ZNF486: variants seen among roughly 807,000 people sequenced by gnomAD.
The protein encoded by ZNF486 is KRAB box only protein 2.
A neutral mutation model predicts 12.8 loss-of-function variants in ZNF486; 12 were observed. The observed-to-expected ratio is 0.94, with a 90% CI of 0.60 to 1.52. The LOEUF (loss-of-function observed/expected upper bound fraction) is 1.52, where lower values mean the gene tolerates loss of function less well. Among genes scored for constraint, ZNF486 ranks in the 40% most tolerant of loss-of-function variants. The probability of loss-of-function intolerance (pLI) is 0.00; values close to 1 mark genes in which losing one functional copy is unlikely to be tolerated. For synonymous variants in ZNF486, 231 were observed against 184.9 expected (o/e 1.25, Z -2.02); for missense variants, 738 against 545.0 (o/e 1.35, Z -3.53).
chr19:20,176,994 C>G (rs1483072213), intron 1 of ZNF486: 1 of 152,200 alleles, frequency 6.6e-6, no homozygotes, highest in Non-Finnish European at 1.5e-5. Context: ...GAGGTTGAAA[C>G]ACTGCTCTCA....
At position 20,193,556 on chromosome 19, in the gene ZNF486, G is replaced by A. The variant is rs4808233; in HGVS notation, c.254-3408G>A. Among the ~76,000 whole-genome samples the A allele has an allele frequency of 8.6e-3, 1,315 of 152,156 alleles. 13 individuals carry two copies. Among genetic ancestry groups the A allele is most frequent in the Non-Finnish European group, 0.014 (935 of 68,002 alleles). On this transcript the variant is annotated intron_variant, in intron 3 of 3. Coordinates refer to ENST00000335117, the MANE Select transcript of ZNF486 (RefSeq NM_052852.4). The stretch of plus-strand genomic sequence containing the variant: ...GGTGCCTATAATCCCAGCTCCTCAG[G>A]AGGCTGAAGCAGGAGAATTGCTTGA...
rs782053160 is a variant in ZNF486 at position 20,196,951 on chromosome 19, T to C, written c.254-13T>C. On this transcript the variant is annotated splice_polypyrimidine_tract_variant and intron_variant, in intron 3 of 3. Coordinates refer to ENST00000335117, the MANE Select transcript of ZNF486 (RefSeq NM_052852.4). ...TAGCAATTGAAGTAATGTGTTTTTA[T>C]TGTTTCTTTCAGTTGTGTGTTCTCA... 1.3e-6 allele frequency: 2 copies of C among 1,527,432 alleles called. No homozygotes were observed. Among genetic ancestry groups the C allele is most frequent in the Non-Finnish European group, 1.7e-6 (2 of 1,143,070 alleles). The allele number at this position is 1,527,432 out of a possible 1,614,324, so 94.6% of individuals were successfully genotyped here. A position where few individuals can be genotyped will look rare whatever the true frequency, so the allele number is the denominator to read the frequency against.
Position 20,167,220 on chromosome 19 carries a change from C to T in ZNF486, c.-111C>T, listed in dbSNP as rs575908961. 1.5e-6 allele frequency: 2 copies of T among 1,375,602 alleles called. No homozygotes were observed. The highest frequency in any genetic ancestry group is 1.7e-5 in the Admixed American group (1 of 57,840). The allele number at this position is 1,375,602 out of a possible 1,614,324, so 85.2% of individuals were successfully genotyped here. ...CGGGTTTGGCGCGGCCTTTGTCTCT[C>T]GCTGCATCTGGAGCTCTAGGTCGCC... On this transcript the variant is annotated 5_prime_UTR_variant, in exon 1 of 4. Transcript: ENST00000335117.
Position 20,169,964 on chromosome 19 carries a change from C to T in ZNF486, c.30+2604C>T, listed in dbSNP as rs2089630261. Among the ~76,000 whole-genome samples, 3 of 148,368 alleles carry T rather than the reference C, an allele frequency of 2.0e-5. No individual in the cohort carries two copies. The Admixed American group carries it at 2.0e-4, about 10-fold the overall frequency. ...GGAGTGCAGTGGCGCGATCTCGGCTCACTGCAAGCTCCGCCTCCCGGGTTC... is the reference window on the plus strand; with the variant it reads ...GGAGTGCAGTGGCGCGATCTCGGCTTACTGCAAGCTCCGCCTCCCGGGTTC... On this transcript the variant is annotated intron_variant, in intron 1 of 3. Transcript: ENST00000335117.
chr19:20,188,303 A>G, intron 3 of ZNF486: 2 of 395,914 alleles, frequency 5.1e-6, no homozygotes, highest in African/African-American at 2.1e-5. Context: ...AAAAAGATTT[A>G]TAATTCTGGA....
chr19:20,171,449 A>G (rs1302124936), intron 1 of ZNF486, among the ~76,000 whole-genome samples: 1 of 152,200 alleles, frequency 6.6e-6, no homozygotes, highest in Non-Finnish European at 1.5e-5. Context: ...TCACCACGGC[A>G]TTTTTGATCC....
chr19:20,191,781 AAAAAAG>A (rs2089905981), intron 3 of ZNF486, among the ~76,000 whole-genome samples: 1 of 152,138 alleles, frequency 6.6e-6, no homozygotes, highest in Non-Finnish European at 1.5e-5. Flanking sequence ...AAAACAAAGA[AAAAAAG>A]AAAAAGAAAT....
chr19:20,178,270 C>G (rs1331712349), intron 1 of ZNF486, among the ~76,000 whole-genome samples: 4 of 150,284 alleles, frequency 2.7e-5, no homozygotes, highest in South Asian at 2.1e-4. Context: ...GAGACAAAGT[C>G]TCACTCTGTC....
At chr19:20,167,472 T>A in intron 1 of ZNF486, 112 bp downstream of exon 1, 1 of 1,284,602 alleles carries the variant, frequency 7.8e-7, no homozygotes, top group East Asian at 2.4e-5. Flanking sequence ...CGTCCGGACT[T>A]CTCCTTACCC....
rs1044990584 is a variant in ZNF486, at chr19:20,200,114, C to G, written c.*2012C>G. ...TATTTGTTTCCTTAAAAAAATTTTTCTGAAAAGTGGGTAATGACATAATAC... is the reference window on the plus strand; with the variant it reads ...TATTTGTTTCCTTAAAAAAATTTTTGTGAAAAGTGGGTAATGACATAATAC... On this transcript the variant is annotated 3_prime_UTR_variant, in exon 4 of 4. Coordinates refer to ENST00000335117, the MANE Select transcript of ZNF486 (RefSeq NM_052852.4). 15 of 151,778 alleles carry G rather than the reference C, an allele frequency of 9.9e-5. No individual in the cohort carries two copies. The highest frequency in any genetic ancestry group is 2.1e-4 in the Non-Finnish European group (14 of 67,986). The allele number at this position is 151,778 out of a possible 1,614,324, so 9.4% of individuals were successfully genotyped here. A position where few individuals can be genotyped will look rare whatever the true frequency, so the allele number is the denominator to read the frequency against.
chr19:20,190,953 A>T (rs186814528), intron 3 of ZNF486, among the ~76,000 whole-genome samples: 21 of 152,312 alleles, frequency 1.4e-4, no homozygotes, highest in African/African-American at 5.1e-4. Flanking sequence ...CCTCTTGGTA[A>T]CCAAAACTTT....
At chr19:20,189,660 A>G (rs1286985761) in intron 3 of ZNF486, among the ~76,000 whole-genome samples, 1 of 152,006 alleles carries the variant, frequency 6.6e-6, no homozygotes, top group Non-Finnish European at 1.5e-5. Flanking sequence ...CTTTTTGTTC[A>G]TTTTTAAATC....
intron 1 of ZNF486, among the ~76,000 whole-genome samples, chr19:20,173,296 C>G (rs1332089143): frequency 2.0e-5 from 3 of 152,122 alleles, no homozygotes; most frequent in African/African-American, 7.2e-5. Context: ...GCTAGTTATT[C>G]TAGCACCATT....
At chr19:20,170,782 C>T (rs951675617) in intron 1 of ZNF486, among the ~76,000 whole-genome samples, 6 of 152,104 alleles carry the variant, frequency 3.9e-5, no homozygotes, top group Non-Finnish European at 8.8e-5. Flanking sequence ...CAAATGTTTT[C>T]CATGATTATC....
chr19:20,173,224 TGA>T (rs1414906338), intron 1 of ZNF486, among the ~76,000 whole-genome samples: 4 of 152,218 alleles, frequency 2.6e-5, no homozygotes, highest in Non-Finnish European at 5.9e-5. Context: ...TAATTTATCT[TGA>T]GTTGATTTTT....
At chr19:20,186,210 T>TTTTA (rs149807694) in intron 3 of ZNF486, 128 bp downstream of exon 3, 58,719 of 479,906 alleles carry the variant, frequency 0.12, 6,021 homozygotes, top group East Asian at 0.4. Context: ...TGGGCAGCTG[T>TTTTA]TTTATTTATT....
chr19:20,199,133 T>C lies in ZNF486; in HGVS notation c.*1031T>C, dbSNP rs1555718541. On this transcript the variant is annotated 3_prime_UTR_variant, in exon 4 of 4. Coordinates refer to ENST00000335117, the MANE Select transcript of ZNF486 (RefSeq NM_052852.4). Reference sequence around the variant, plus strand: ...AAAAATTGTACAAATATAAAGAATATGGAAAAGCCATTAATGTCCATCACA... The same window carrying C: ...AAAAATTGTACAAATATAAAGAATACGGAAAAGCCATTAATGTCCATCACA... The C allele has an allele frequency of 2.6e-5, 4 of 152,084 alleles. No individual in the cohort carries two copies. Among genetic ancestry groups the C allele is most frequent in the African/African-American group, 9.7e-5 (4 of 41,428 alleles). The allele number at this position is 152,084 out of a possible 1,614,324, so 9.4% of individuals were successfully genotyped here. A position where few individuals can be genotyped will look rare whatever the true frequency, so the allele number is the denominator to read the frequency against.
Position 20,197,242 on chromosome 19 carries a change from G to A in ZNF486, c.532G>A (p.Glu178Lys), listed in dbSNP as rs1568328185. The change falls in exon 4 of 4, where the codon GAA (glutamate) becomes AAA (lysine). Residue 178 changes from glutamate (E) to lysine (K), a missense_variant. Transcript: ENST00000335117. ...NSKRHKRRHT[E>K]KKPLKYIEGD... is the part of the protein sequence containing the mutation. ...AAAGAGACATAAAAGAAGACATACT[G>A]AAAAAAAACCTTTGAAATATATAGA... The A allele has an allele frequency of 1.9e-6, 3 of 1,609,626 alleles. No homozygotes were observed. Among genetic ancestry groups the A allele is most frequent in the South Asian group, 2.2e-5 (2 of 90,148 alleles).
At chr19:20,171,584 C>T (rs1413108891) in intron 1 of ZNF486, among the ~76,000 whole-genome samples, 1 of 152,200 alleles carries the variant, frequency 6.6e-6, no homozygotes, top group Non-Finnish European at 1.5e-5. Flanking sequence ...ATCTGGGCCA[C>T]ATGTTTATAA....
Sources: gnomAD v4.1 joint callset for allele counts (sites outside exome capture counted in the v4.1 genomes callset) on GRCh38, gnomAD v4.1.1 for gene constraint, MANE v1.5 for transcripts, NCBI Gene and HGNC (gene_info 2026-07-23, HGNC 2026-07-21) for gene names.